The following MAPRE2 variants were observed in gnomAD, a reference collection of about 807,000 sequenced individuals.
MAPRE2 encodes the protein microtubule associated protein RP/EB family member 2, also known as microtubule-associated protein RP/EB family member 2.
MAPRE2 carries 13 observed loss-of-function variants against 43.2 expected under a neutral mutation model. The observed-to-expected ratio is 0.30, with a 90% CI of 0.20 to 0.48. The LOEUF (loss-of-function observed/expected upper bound fraction) is 0.48, where lower values mean the gene tolerates loss of function less well. Ranked by LOEUF, MAPRE2 falls within the 20% of genes least tolerant of loss-of-function variation. The pLI is 0.99. For synonymous variants in MAPRE2, 135 were observed against 148.8 expected, an observed-to-expected ratio of 0.91 and a Z score of 0.68; for missense variants, 161 against 400.2, an observed-to-expected ratio of 0.40 and a Z score of 5.10.
intron 4 of MAPRE2, among the ~76,000 whole-genome samples, chr18:35,119,283 C>T (rs28481785): frequency 1.0e-3 from 158 of 152,268 alleles, no homozygotes; most frequent in African/African-American, 3.7e-3. Context: ...GAGGAAGACC[C>T]ATAGTGGATG....
intron 1 of MAPRE2, among the ~76,000 whole-genome samples, chr18:35,060,193 A>G (rs1257767271): frequency 1.3e-5 from 2 of 152,208 alleles, no homozygotes; most frequent in Non-Finnish European, 2.9e-5. Context: ...ATCATGGGAA[A>G]GAGCTAAGGT....
chr18:35,052,403 C>T (rs956086292), intron 1 of MAPRE2, among the ~76,000 whole-genome samples: 1 of 152,220 alleles, frequency 6.6e-6, no homozygotes, highest in Non-Finnish European at 1.5e-5. Flanking sequence ...AGTAGTTCAT[C>T]ACTCTTTATT....
At chr18:34,977,952 G>A (rs1173176922) in intron 1 of MAPRE2, among the ~76,000 whole-genome samples, 1 of 152,202 alleles carries the variant, frequency 6.6e-6, no homozygotes, top group Non-Finnish European at 1.5e-5. Flanking sequence ...AAAAGGGCTA[G>A]TGGGTTTGGT....
intron 4 of MAPRE2, among the ~76,000 whole-genome samples, chr18:35,124,583 AG>A (rs1201508342): frequency 6.6e-6 from 1 of 152,232 alleles, no homozygotes; most frequent in African/African-American, 2.4e-5. Context: ...AGGCATTTTT[AG>A]GGGCCTCCAG....
chr18:35,079,254 A>G (rs1787044), intron 2 of MAPRE2, among the ~76,000 whole-genome samples: 20,986 of 152,134 alleles, frequency 0.14, 1,621 homozygotes, highest in East Asian at 0.3. Context: ...TTTCTATGCT[A>G]TTGAGGAAAT....
chr18:35,055,675 A>G (rs1361136974), intron 1 of MAPRE2, among the ~76,000 whole-genome samples: 2 of 152,146 alleles, frequency 1.3e-5, no homozygotes, highest in Non-Finnish European at 2.9e-5. Flanking sequence ...GTTTAGGGCC[A>G]GATGTGGTGG....
chr18:35,134,725 C>T (rs1043595149), intron 6 of MAPRE2, among the ~76,000 whole-genome samples: 1 of 152,190 alleles, frequency 6.6e-6, no homozygotes, highest in Admixed American at 6.5e-5. Context: ...TAAATAACTC[C>T]CCTTACCTCG....
chr18:35,101,895 T>C, intron 3 of MAPRE2, 51 bp from the exon 4 acceptor site: 1 of 1,321,042 alleles, frequency 7.6e-7, no homozygotes, highest in East Asian at 2.4e-5. Flanking sequence ...TTCTTTTGGG[T>C]ATATACCCAA....
intron 2 of MAPRE2, chr18:35,005,559 G>A (rs1243476725): frequency 6.6e-7 from 1 of 1,523,454 alleles, no homozygotes; most frequent in African/African-American, 1.4e-5. Context: ...TCAAGGTAAG[G>A]TTTATATAAA....
chr18:35,064,867 C>T (rs185791891), intron 1 of MAPRE2, among the ~76,000 whole-genome samples: 1 of 152,306 alleles, frequency 6.6e-6, no homozygotes, highest in East Asian at 1.9e-4. Context: ...CAGCTGGAGG[C>T]TTTCCTTTTT....
intron 1 of MAPRE2, among the ~76,000 whole-genome samples, chr18:35,003,818 A>G (rs1040672235): frequency 5.9e-5 from 9 of 152,246 alleles, no homozygotes; most frequent in African/African-American, 2.2e-4. Context: ...ATGGGAACCA[A>G]TATTGTTAAA....
chr18:34,981,646 A>G (rs2097016264), intron 1 of MAPRE2, among the ~76,000 whole-genome samples: 1 of 152,128 alleles, frequency 6.6e-6, no homozygotes, highest in South Asian at 2.1e-4. Flanking sequence ...CCCAGGTGCC[A>G]AATTACACAA....
rs1223777740 is a variant in MAPRE2 at position 35,140,922 on chromosome 18, G to A, written c.*553G>A. 3 of 152,702 alleles carry A rather than the reference G, an allele frequency of 2.0e-5. No individual in the cohort carries two copies. The highest frequency in any genetic ancestry group is 4.4e-5 in the Non-Finnish European group (3 of 68,352). 9.5% of individuals were successfully genotyped at this position (152,702 alleles called of 1,614,324 possible). On this transcript the variant is annotated 3_prime_UTR_variant, in exon 7 of 7. Coordinates refer to ENST00000300249, the MANE Select transcript of MAPRE2 (RefSeq NM_014268.4). ...CTTGTGTCGTGGGGGAAAACATAAG[G>A]TCATTTTCTCCCTCTACTCACAATA...
At chr18:35,099,601 T>G (rs1007147552) in intron 3 of MAPRE2, among the ~76,000 whole-genome samples, 3 of 152,124 alleles carry the variant, frequency 2.0e-5, no homozygotes, top group Non-Finnish European at 4.4e-5. Flanking sequence ...GGCAACAGAG[T>G]GAGACTCTGT....
intron 4 of MAPRE2, among the ~76,000 whole-genome samples, chr18:35,113,219 T>C (rs1188054200): frequency 3.3e-5 from 5 of 152,206 alleles, no homozygotes; most frequent in African/African-American, 1.2e-4. Context: ...TGAATATTTC[T>C]GAATTTAAAC....
intron 3 of MAPRE2, among the ~76,000 whole-genome samples, chr18:35,098,661 G>C (rs1164510480): frequency 6.6e-6 from 1 of 152,078 alleles, no homozygotes; most frequent in East Asian, 1.9e-4. Flanking sequence ...TTTAAAACTA[G>C]GGATATATAG....
chr18:35,035,370 G>A (rs1475243721), intron 2 of MAPRE2, among the ~76,000 whole-genome samples: 3 of 151,596 alleles, frequency 2.0e-5, no homozygotes, highest in Non-Finnish European at 4.4e-5. Flanking sequence ...TGTGGGGTGG[G>A]GGGAGAGGGG....
At chr18:34,986,691 G>A (rs992980941) in intron 1 of MAPRE2, among the ~76,000 whole-genome samples, 2 of 152,132 alleles carry the variant, frequency 1.3e-5, no homozygotes, top group African/African-American at 2.4e-5. Context: ...TAGGCAACTC[G>A]GTCAGTGGGT....
At chr18:35,057,868 T>G (rs1457766014) in intron 1 of MAPRE2, among the ~76,000 whole-genome samples, 1 of 152,166 alleles carries the variant, frequency 6.6e-6, no homozygotes, top group East Asian at 1.9e-4. Flanking sequence ...GCTCCTAGTT[T>G]TGATAGTATT....
Sources: gnomAD v4.1 joint callset for allele counts (sites outside exome capture counted in the v4.1 genomes callset) on GRCh38, gnomAD v4.1.1 for gene constraint, MANE v1.5 for transcripts, NCBI Gene and HGNC (gene_info 2026-07-23, HGNC 2026-07-21) for gene names.